DPP10: variants seen among roughly 807,000 people sequenced by gnomAD.
DPP10 encodes dipeptidyl peptidase like 10.
In DPP10, 33 loss-of-function variants were observed where a neutral mutation model predicts 120.9. The ratio of observed to expected loss-of-function variants is 0.27; its 90% CI spans 0.21 to 0.37. DPP10 has a LOEUF of 0.37. Among genes scored for constraint, DPP10 ranks in the 10% least tolerant of loss-of-function variants. The pLI is 1.00. For synonymous variants in DPP10, 337 were observed against 326.1 expected (o/e 1.03, Z -0.36); for missense variants, 816 against 942.8 (o/e 0.87, Z 1.76).
chr2:115,686,854 T>C (rs951078376), intron 5 of DPP10, among the ~76,000 whole-genome samples: 1 of 152,002 alleles, frequency 6.6e-6, no homozygotes, highest in Non-Finnish European at 1.5e-5. Context: ...AATAGGTAAT[T>C]TTTGGCTATG....
At position 115,340,266 on chromosome 2, in the gene DPP10, T is replaced by C. The variant is rs192754224; in HGVS notation, c.176-3551T>C. Among the ~76,000 whole-genome samples the C allele has an allele frequency of 1.5e-3, 225 of 152,242 alleles. 1 individual carries two copies. Among genetic ancestry groups the C allele is most frequent in the African/African-American group, 4.7e-3 (197 of 41,556 alleles). On this transcript the variant is annotated intron_variant, in intron 2 of 25. Coordinates refer to ENST00000410059, the MANE Select transcript of DPP10 (RefSeq NM_020868.6). Reference sequence around the variant, plus strand: ...TGATATGGTGTAATCATTAATCTTATAGGTATAAAAATAATTTAGAATGGG... The same window carrying C: ...TGATATGGTGTAATCATTAATCTTACAGGTATAAAAATAATTTAGAATGGG...
chr2:115,222,042 C>T (rs1312948899), intron 1 of DPP10, among the ~76,000 whole-genome samples: 1 of 152,018 alleles, frequency 6.6e-6, no homozygotes, highest in African/African-American at 2.4e-5. Context: ...TGGAAGGGTA[C>T]ACTGATAGAT....
rs1293233188 is a variant in DPP10 at position 114,616,228 on chromosome 2, G to A, written c.60+173390G>A. On this transcript the variant is annotated intron_variant, in intron 1 of 25. Coordinates refer to ENST00000410059, the MANE Select transcript of DPP10 (RefSeq NM_020868.6). ...TGTCTTTACCACTTGACTTTGTAGC[G>A]ACTCCCATTACAATTGACAGAGTGT... 5.3e-5 allele frequency among the ~76,000 whole-genome samples: 8 copies of A among 152,022 alleles called. No individual in the cohort carries two copies. The East Asian group carries it at 5.8e-4, about 11-fold the overall frequency.
chr2:114,543,616 G>A (rs1002106307), intron 1 of DPP10, among the ~76,000 whole-genome samples: 2 of 152,126 alleles, frequency 1.3e-5, no homozygotes, highest in Non-Finnish European at 2.9e-5. Context: ...CAAAAGATAA[G>A]GTCTCAAATC....
intron 1 of DPP10, among the ~76,000 whole-genome samples, chr2:114,785,229 G>A (rs1277252785): frequency 1.3e-5 from 2 of 150,384 alleles, no homozygotes; most frequent in African/African-American, 4.9e-5. Flanking sequence ...GAGGCGATGA[G>A]AATAGGGCAT....
chr2:114,906,684 C>T (rs182700576), intron 1 of DPP10, among the ~76,000 whole-genome samples: 1 of 152,068 alleles, frequency 6.6e-6, no homozygotes, highest in Non-Finnish European at 1.5e-5. Flanking sequence ...GTTGAACCAA[C>T]CTTGCATCCT....
At chr2:114,832,021 A>G (rs1375766492) in intron 1 of DPP10, among the ~76,000 whole-genome samples, 1 of 151,708 alleles carries the variant, frequency 6.6e-6, no homozygotes, top group Non-Finnish European at 1.5e-5. Context: ...CACACATTTA[A>G]ATGAGTGACA....
intron 5 of DPP10, among the ~76,000 whole-genome samples, chr2:115,639,730 G>C (rs1020103764): frequency 2.6e-5 from 4 of 152,142 alleles, no homozygotes; most frequent in East Asian, 3.9e-4. Context: ...CCTCCTTGCA[G>C]ACCTAGGAAC....
At chr2:115,630,787 T>C (rs539554225) in intron 5 of DPP10, among the ~76,000 whole-genome samples, 66 of 152,256 alleles carry the variant, frequency 4.3e-4, no homozygotes, top group African/African-American at 1.5e-3. Context: ...TTTTGATATG[T>C]TGCTGGATCC....
intron 1 of DPP10, among the ~76,000 whole-genome samples, chr2:114,832,271 C>A (rs963278806): frequency 1.3e-5 from 2 of 152,204 alleles, no homozygotes; most frequent in Admixed American, 1.3e-4. Context: ...TGGTGGCTCA[C>A]GCCTGTAATC....
intron 1 of DPP10, among the ~76,000 whole-genome samples, chr2:115,086,255 A>C (rs1399275379): frequency 6.6e-6 from 1 of 152,144 alleles, no homozygotes; most frequent in African/African-American, 2.4e-5. Flanking sequence ...CCACTATAAG[A>C]TTTCAAAAGA....
intron 1 of DPP10, among the ~76,000 whole-genome samples, chr2:115,117,363 T>A (rs2104715542): frequency 6.6e-6 from 1 of 152,356 alleles, no homozygotes; most frequent in South Asian, 2.1e-4. Context: ...ACCAGCCAGC[T>A]TTTCCTGTGG....
chr2:115,254,688 A>G (rs983350783), intron 1 of DPP10, among the ~76,000 whole-genome samples: 3 of 152,208 alleles, frequency 2.0e-5, no homozygotes, highest in African/African-American at 4.8e-5. Flanking sequence ...AAATACACCC[A>G]TTCCAGATGG....
intron 1 of DPP10, among the ~76,000 whole-genome samples, chr2:115,266,790 C>T (rs2059481952): frequency 6.6e-6 from 1 of 152,072 alleles, no homozygotes; most frequent in Non-Finnish European, 1.5e-5. Context: ...GACTAAATAG[C>T]ATGAAATATT....
intron 1 of DPP10, among the ~76,000 whole-genome samples, chr2:114,471,804 C>A (rs1485921624): frequency 1.3e-5 from 2 of 152,058 alleles, no homozygotes; most frequent in African/African-American, 2.4e-5. Context: ...GCCAGGAAGG[C>A]TGATAAACTG....
At chr2:115,629,201 A>T (rs911716771) in intron 5 of DPP10, among the ~76,000 whole-genome samples, 2 of 152,102 alleles carry the variant, frequency 1.3e-5, no homozygotes, top group Non-Finnish European at 2.9e-5. Flanking sequence ...ACATTTTCTT[A>T]ATCCAGTCTA....
At chr2:115,761,823 G>A (rs1680147781) in intron 11 of DPP10, among the ~76,000 whole-genome samples, 1 of 152,040 alleles carries the variant, frequency 6.6e-6, no homozygotes, top group African/African-American at 2.4e-5. Flanking sequence ...GGGTACCTCT[G>A]CATATAGGAA....
chr2:115,228,831 A>G (rs559961159), intron 1 of DPP10, among the ~76,000 whole-genome samples: 43 of 152,300 alleles, frequency 2.8e-4, no homozygotes, highest in Middle Eastern at 3.4e-3. Context: ...TAGGGCTGCA[A>G]TAAACATAGA....
At chr2:114,862,162 A>G (rs541706041) in intron 1 of DPP10, among the ~76,000 whole-genome samples, 2 of 152,300 alleles carry the variant, frequency 1.3e-5, no homozygotes, top group East Asian at 3.9e-4. Flanking sequence ...GGGAAGCACT[A>G]GACAGAGATT....
Sources: gnomAD v4.1 joint callset for allele counts (sites outside exome capture counted in the v4.1 genomes callset) on GRCh38, gnomAD v4.1.1 for gene constraint, MANE v1.5 for transcripts, NCBI Gene and HGNC (gene_info 2026-07-23, HGNC 2026-07-21) for gene names.